PPFIA2: variants seen among roughly 807,000 people sequenced by gnomAD.
PPFIA2 encodes the protein PPFI scaffold protein A2.
PPFIA2 carries 46 observed loss-of-function variants against 175.5 expected under a neutral mutation model. The observed-to-expected ratio is 0.26, with a 90% CI of 0.21 to 0.34. The LOEUF (loss-of-function observed/expected upper bound fraction) is 0.34, where lower values mean the gene tolerates loss of function less well. Among genes scored for constraint, PPFIA2 ranks in the 10% least tolerant of loss-of-function variants. PPFIA2 has a pLI of 1.00. For synonymous variants in PPFIA2, 568 were observed against 511.4 expected (o/e 1.11, Z -1.49); for missense variants, 1,179 against 1,506.1 (o/e 0.78, Z 3.60).
intron 4 of PPFIA2, among the ~76,000 whole-genome samples, chr12:81,468,705 T>C (rs1184929690): frequency 1.3e-5 from 2 of 152,220 alleles, no homozygotes; most frequent in Non-Finnish European, 2.9e-5. Context: ...GGCTACAACA[T>C]TGTTTGCTGT....
chr12:81,503,979 A>T (rs1251618655), intron 4 of PPFIA2, among the ~76,000 whole-genome samples: 1 of 152,056 alleles, frequency 6.6e-6, no homozygotes, highest in African/African-American at 2.4e-5. Context: ...AATTTGAGCA[A>T]AACAATATAT....
Position 81,386,117 on chromosome 12 carries a change from A to G in PPFIA2, c.763-1873T>C, listed in dbSNP as rs554123081. On this transcript the variant is annotated intron_variant, in intron 8 of 32. Transcript: ENST00000549396. ...TAGCAAGGCCTCATTTCTAGAAAAAAATTAAAAAAAAAAAATAGGGTGTGG... is the reference window on the plus strand; with the variant it reads ...TAGCAAGGCCTCATTTCTAGAAAAAGATTAAAAAAAAAAAATAGGGTGTGG... 2.0e-5 allele frequency among the ~76,000 whole-genome samples: 3 copies of G among 150,856 alleles called. No individual in the cohort carries two copies. In the East Asian group the frequency reaches 5.9e-4, roughly 30 times the overall value.
At chr12:81,264,677 T>A (rs1487157774) in intron 30 of PPFIA2, among the ~76,000 whole-genome samples, 3 of 152,184 alleles carry the variant, frequency 2.0e-5, no homozygotes, top group African/African-American at 7.2e-5. Context: ...AAAAATAAAA[T>A]CATTTTTATA....
rs1185025971 is a variant in PPFIA2, at chr12:81,405,814, C to T, written c.735G>A (p.Met245Ile). Residue 245 changes from methionine to isoleucine, a missense_variant, in exon 8 of 33, where the codon ATG becomes ATA. Met to Ile is a conservative substitution (Grantham distance 10). Coordinates refer to ENST00000549396, the MANE Select transcript of PPFIA2 (RefSeq NM_003625.5). ...GSTESEHLEG[M>I]EPGQKVHEKR... is the part of the protein sequence containing the mutation. ...TCTCATGGACTTTCTGTCCAGGTTCCATCCCTTCAAGATGTTCTGACTCTG... is the reference window on the plus strand; with the variant it reads ...TCTCATGGACTTTCTGTCCAGGTTCTATCCCTTCAAGATGTTCTGACTCTG... 1.3e-6 allele frequency: 2 copies of T among 1,576,406 alleles called. No homozygotes were observed. Among genetic ancestry groups the T allele is most frequent in the African/African-American group, 2.7e-5 (2 of 74,264 alleles).
chr12:81,661,739 T>A (rs4495961), intron 4 of PPFIA2, among the ~76,000 whole-genome samples: 138,862 of 151,868 alleles, frequency 0.91, 63,642 homozygotes, highest in East Asian at 1. Flanking sequence ...AAATAAACAG[T>A]TTATACATTC....
chr12:81,302,565 G>A (rs191541175), intron 22 of PPFIA2: 54 of 286,500 alleles, frequency 1.9e-4, no homozygotes, highest in African/African-American at 1.2e-3. Context: ...CAACAGTTAG[G>A]GCAAAATCTC....
intron 14 of PPFIA2, among the ~76,000 whole-genome samples, chr12:81,366,391 C>T (rs922849375): frequency 1.3e-5 from 2 of 151,562 alleles, no homozygotes; most frequent in African/African-American, 2.4e-5. Context: ...ACTCATTACC[C>T]ATCCCCTCAC....
At chr12:81,538,793 C>A (rs113881853) in intron 4 of PPFIA2, among the ~76,000 whole-genome samples, 2 of 151,856 alleles carry the variant, frequency 1.3e-5, no homozygotes, top group African/African-American at 4.8e-5. Context: ...GAGTCGTGTC[C>A]ATGGGTCATT....
intron 13 of PPFIA2, chr12:81,368,076 T>G: frequency 2.4e-6 from 3 of 1,271,814 alleles, no homozygotes; most frequent in Non-Finnish European, 3.1e-6. Context: ...TCTAAAATGA[T>G]GTGATCATCC....
At chr12:81,616,923 G>T (rs975906111) in intron 4 of PPFIA2, among the ~76,000 whole-genome samples, 2 of 152,098 alleles carry the variant, frequency 1.3e-5, no homozygotes, top group Non-Finnish European at 2.9e-5. Context: ...TTCTCTGAAT[G>T]CTGATTGCAT....
intron 4 of PPFIA2, among the ~76,000 whole-genome samples, chr12:81,656,046 A>G (rs2067741512): frequency 6.6e-6 from 1 of 152,026 alleles, no homozygotes; most frequent in African/African-American, 2.4e-5. Flanking sequence ...GACCATGGTT[A>G]TTGACATTAA....
intron 4 of PPFIA2, among the ~76,000 whole-genome samples, chr12:81,630,899 A>ATATATATATATATATATATATAT (rs1411924550): frequency 9.4e-5 from 10 of 106,468 alleles, no homozygotes; most frequent in African/African-American, 2.9e-4. Context: ...ATATATATAT[A>ATATATATATATATATATATATAT]TTTTTTTTTT....
At chr12:81,739,301 T>G (rs2153651665) in intron 3 of PPFIA2, among the ~76,000 whole-genome samples, 1 of 152,130 alleles carries the variant, frequency 6.6e-6, no homozygotes, top group Non-Finnish European at 1.5e-5. Flanking sequence ...CTGAAGAGAT[T>G]TTCTAACTCA....
chr12:81,282,874 C>T (rs1001317375), intron 26 of PPFIA2, 136 bp downstream of exon 26: 2 of 600,988 alleles, frequency 3.3e-6, no homozygotes, highest in African/African-American at 3.8e-5. Context: ...ACATAATCTA[C>T]ATTTACCTAT....
chr12:81,462,286 C>CATATATAT (rs71881439), intron 4 of PPFIA2, among the ~76,000 whole-genome samples: 2 of 135,944 alleles, frequency 1.5e-5, no homozygotes, highest in South Asian at 2.3e-4. Context: ...TGTTAGAAAA[C>CATATATAT]ATATATATAT....
intron 4 of PPFIA2, among the ~76,000 whole-genome samples, chr12:81,591,277 G>T (rs766078652): frequency 3.3e-5 from 5 of 152,186 alleles, no homozygotes; most frequent in Non-Finnish European, 7.4e-5. Context: ...AAACATTCAA[G>T]AGGTGACTTG....
chr12:81,500,833 A>T lies in PPFIA2; in HGVS notation c.304-42967T>A, dbSNP rs75060179. On this transcript the variant is annotated intron_variant, in intron 4 of 32. Coordinates refer to ENST00000549396, the MANE Select transcript of PPFIA2 (RefSeq NM_003625.5). The stretch of plus-strand genomic sequence containing the variant: ...TTTCCTGAATTTTATCTGTTAATTT[A>T]ACCCTGATTTCTCAGCAGCAGCTTC... Among the ~76,000 whole-genome samples the T allele has an allele frequency of 6.6e-5, 10 of 152,318 alleles. No individual in the cohort carries two copies. The East Asian group carries it at 1.7e-3, about 26-fold the overall frequency.
chr12:81,528,554 T>G (rs2064034634), intron 4 of PPFIA2, among the ~76,000 whole-genome samples: 1 of 152,090 alleles, frequency 6.6e-6, no homozygotes, highest in Non-Finnish European at 1.5e-5. Context: ...TGAGTACATG[T>G]GTTCATCCCT....
chr12:81,343,666 C>G (rs1467871416), intron 19 of PPFIA2, among the ~76,000 whole-genome samples: 1 of 152,100 alleles, frequency 6.6e-6, no homozygotes, highest in East Asian at 1.9e-4. Flanking sequence ...TCTTTTTCAT[C>G]TGATGTCCCA....
Sources: allele counts gnomAD v4.1 joint callset (sites outside exome capture counted in the v4.1 genomes callset), GRCh38; gene constraint gnomAD v4.1.1; transcripts MANE v1.5; gene names NCBI Gene and HGNC (gene_info 2026-07-23, HGNC 2026-07-21).